Variants in FNDC3B observed in about 807,000 individuals in gnomAD.
FNDC3B encodes fibronectin type III domain-containing protein 3B.
In FNDC3B, 12 loss-of-function variants were observed where a neutral mutation model predicts 151.5. That is an observed-to-expected ratio of 0.08 (90% CI 0.05 to 0.13). The LOEUF is 0.13. FNDC3B is among the 10% of genes least tolerant of loss of function. The probability of loss-of-function intolerance (pLI) is 1.00; values close to 1 mark genes in which losing one functional copy is unlikely to be tolerated. For missense variants in FNDC3B, 1,214 were observed against 1,505.3 expected (o/e 0.81, Z 3.20); for synonymous variants, 528 against 549.0 (o/e 0.96, Z 0.54).
At chr3:172,246,058 A>G (rs1727758558) in intron 4 of FNDC3B, among the ~76,000 whole-genome samples, 1 of 152,168 alleles carries the variant, frequency 6.6e-6, no homozygotes, top group South Asian at 2.1e-4. Context: ...GAAGCTAAGT[A>G]TAGTTTTTTG....
At chr3:172,238,295 A>G (rs370019651) in intron 4 of FNDC3B, among the ~76,000 whole-genome samples, 1 of 152,136 alleles carries the variant, frequency 6.6e-6, no homozygotes, top group South Asian at 2.1e-4. Flanking sequence ...AGCTGGGATG[A>G]CAGGACCGTG....
chr3:172,131,024 T>A (rs1721065559), intron 2 of FNDC3B, among the ~76,000 whole-genome samples: 1 of 152,240 alleles, frequency 6.6e-6, no homozygotes, highest in Non-Finnish European at 1.5e-5. Context: ...TCTTCCATTG[T>A]AGTTTTTATA....
intron 3 of FNDC3B, among the ~76,000 whole-genome samples, chr3:172,215,525 A>C (rs1279225668): frequency 1.3e-5 from 2 of 152,202 alleles, no homozygotes; most frequent in Non-Finnish European, 2.9e-5. Context: ...AGAGTTCGAG[A>C]CCAGCCTGAC....
chr3:172,349,990 T>A (rs990578430), intron 21 of FNDC3B, among the ~76,000 whole-genome samples: 1 of 152,200 alleles, frequency 6.6e-6, no homozygotes, highest in Non-Finnish European at 1.5e-5. Flanking sequence ...ATCATTATTC[T>A]ATAGTTCTGT....
chr3:172,371,747 G>A (rs1274496861), intron 23 of FNDC3B, among the ~76,000 whole-genome samples: 2 of 152,094 alleles, frequency 1.3e-5, no homozygotes, highest in African/African-American at 4.8e-5. Flanking sequence ...TTCTTAGCCT[G>A]GACTCACCAG....
chr3:172,136,561 T>C (rs1311309852), intron 3 of FNDC3B, among the ~76,000 whole-genome samples: 5 of 152,142 alleles, frequency 3.3e-5, no homozygotes, highest in Non-Finnish European at 1.5e-5. Flanking sequence ...TGGGAGGCAG[T>C]TCTTTGTCAT....
At chr3:172,287,854 G>T (rs575901466) in intron 7 of FNDC3B, among the ~76,000 whole-genome samples, 1 of 152,318 alleles carries the variant, frequency 6.6e-6, no homozygotes, top group Non-Finnish European at 1.5e-5. Context: ...CAGGGTAATA[G>T]GCTTTTTGTA....
At chr3:172,374,515 C>T (rs1166840908) in intron 23 of FNDC3B, among the ~76,000 whole-genome samples, 1 of 152,186 alleles carries the variant, frequency 6.6e-6, no homozygotes, top group Non-Finnish European at 1.5e-5. Context: ...CTGCCTCAGC[C>T]TCCTGAGTAG....
At chr3:172,303,157 G>A (rs1294578661) in intron 9 of FNDC3B, 1 of 152,020 alleles carries the variant, frequency 6.6e-6, no homozygotes, top group Non-Finnish European at 1.5e-5. Flanking sequence ...TTAATTGGTA[G>A]TTCTATAATT....
intron 6 of FNDC3B, among the ~76,000 whole-genome samples, chr3:172,268,802 A>G (rs1254915267): frequency 6.6e-6 from 1 of 152,228 alleles, no homozygotes; most frequent in Non-Finnish European, 1.5e-5. Flanking sequence ...ACCCATGCTC[A>G]TGATCCTTTG....
At chr3:172,090,915 A>G (rs1188520424) in intron 1 of FNDC3B, among the ~76,000 whole-genome samples, 1 of 152,176 alleles carries the variant, frequency 6.6e-6, no homozygotes, top group Non-Finnish European at 1.5e-5. Context: ...TCATGTTTAG[A>G]CTTGGGTCCC....
chr3:172,330,760 A>T (rs770274863), intron 13 of FNDC3B, 45 bp downstream of exon 13: 19 of 1,488,714 alleles, frequency 1.3e-5, no homozygotes, highest in Non-Finnish European at 1.7e-5. Flanking sequence ...TGTACGAGTC[A>T]GTATTATTAT....
chr3:172,389,088 A>T (rs1193833921), intron 25 of FNDC3B, among the ~76,000 whole-genome samples: 1 of 152,196 alleles, frequency 6.6e-6, no homozygotes, highest in Non-Finnish European at 1.5e-5. Flanking sequence ...GGGCTTCTTA[A>T]TCGTATCTGG....
intron 1 of FNDC3B, among the ~76,000 whole-genome samples, chr3:172,108,733 GA>G (rs1421624821): frequency 6.6e-6 from 1 of 152,202 alleles, no homozygotes; most frequent in African/African-American, 2.4e-5. Flanking sequence ...TTTCTACTGG[GA>G]ACACTCACTA....
intron 22 of FNDC3B, among the ~76,000 whole-genome samples, chr3:172,355,002 G>A (rs1257852312): frequency 1.3e-5 from 2 of 151,656 alleles, no homozygotes; most frequent in Admixed American, 1.3e-4. Flanking sequence ...TTCTTCAATG[G>A]ATCGGTCATT....
intron 1 of FNDC3B, among the ~76,000 whole-genome samples, chr3:172,069,827 T>A (rs1224899358): frequency 6.6e-6 from 1 of 152,226 alleles, no homozygotes; most frequent in East Asian, 1.9e-4. Context: ...ACTAAAGCAG[T>A]TTACAAGGTG....
At chr3:172,199,948 G>A (rs940223244) in intron 3 of FNDC3B, among the ~76,000 whole-genome samples, 2 of 152,104 alleles carry the variant, frequency 1.3e-5, no homozygotes, top group African/African-American at 2.4e-5. Context: ...TTTGTGTTTC[G>A]TGCATTTGTA....
chr3:172,140,623 C>T lies in FNDC3B; in HGVS notation c.187+7077C>T, dbSNP rs552613348. 3.7e-4 allele frequency among the ~76,000 whole-genome samples: 57 copies of T among 152,318 alleles called. 1 individual carries two copies. Among genetic ancestry groups the T allele is most frequent in the South Asian group, 1.4e-3 (7 of 4,828 alleles). On this transcript the variant is annotated intron_variant, in intron 3 of 25. Transcript: ENST00000415807. ...TTCCACCAGGGCCGGAAAATACTGACGGGCCCAGAGCAGAAAGTCCAGGTT... is the reference window on the plus strand; with the variant it reads ...TTCCACCAGGGCCGGAAAATACTGATGGGCCCAGAGCAGAAAGTCCAGGTT...
At chr3:172,348,991 C>T (rs763688216) in intron 21 of FNDC3B, among the ~76,000 whole-genome samples, 1 of 152,042 alleles carries the variant, frequency 6.6e-6, no homozygotes, top group Non-Finnish European at 1.5e-5. Flanking sequence ...ATATATGGCA[C>T]TTAAGAATTT....
Sources: allele counts gnomAD v4.1 joint callset (sites outside exome capture counted in the v4.1 genomes callset), GRCh38; gene constraint gnomAD v4.1.1; transcripts MANE v1.5; gene names NCBI Gene and HGNC (gene_info 2026-07-23, HGNC 2026-07-21).